The following CEP170B variants were observed in gnomAD, a reference collection of about 807,000 sequenced individuals.
CEP170B encodes centrosomal protein of 170 kDa protein B.
CEP170B carries 55 observed loss-of-function variants against 120.6 expected under a neutral mutation model. The ratio of observed to expected loss-of-function variants is 0.46; its 90% CI spans 0.37 to 0.57. The LOEUF is 0.57. Among genes scored for constraint, CEP170B ranks in the 20% least tolerant of loss-of-function variants. The probability of loss-of-function intolerance (pLI) is 0.00; values close to 1 mark genes in which losing one functional copy is unlikely to be tolerated. For missense variants in CEP170B, 2,212 were observed against 2,253.3 expected, an observed-to-expected ratio of 0.98 and a Z score of 0.37; for synonymous variants, 1,033 against 954.5, an observed-to-expected ratio of 1.08 and a Z score of -1.52.
intron 2 of CEP170B, among the ~76,000 whole-genome samples, chr14:104,875,055 C>T (rs1595318718): frequency 6.6e-6 from 1 of 152,366 alleles, no homozygotes; most frequent in East Asian, 1.9e-4. Flanking sequence ...GAAGGCCCCA[C>T]ACTGGTGTTT....
chr14:104,888,274 C>T (rs976119518), intron 12 of CEP170B, among the ~76,000 whole-genome samples: 1 of 152,244 alleles, frequency 6.6e-6, no homozygotes, highest in African/African-American at 2.4e-5. Context: ...CCCAGGCTGG[C>T]CCTCCCCACT....
intron 6 of CEP170B, among the ~76,000 whole-genome samples, chr14:104,882,408 T>G (rs1004086720): frequency 6.6e-6 from 1 of 151,662 alleles, no homozygotes; most frequent in Admixed American, 6.6e-5. Context: ...GCCCCCACCA[T>G]GCCCCAGGGG....
chr14:104,883,680 C>T, intron 8 of CEP170B, 151 bp from the exon 9 acceptor site: 12 of 1,050,144 alleles, frequency 1.1e-5, no homozygotes, highest in Non-Finnish European at 1.6e-5. Flanking sequence ...CCTGCGTCTT[C>T]CCGTTGCACT....
At chr14:104,892,115 G>A (rs915549209) in intron 13 of CEP170B, among the ~76,000 whole-genome samples, 21 of 152,138 alleles carry the variant, frequency 1.4e-4, no homozygotes, top group Non-Finnish European at 1.0e-4. Flanking sequence ...GTCCCCATGA[G>A]GATGGGTGGT....
In CEP170B at chr14:104,896,342, T is replaced by G. The variant is rs987554702; in HGVS notation, c.*1384T>G. 57 of 331,688 alleles carry G rather than the reference T, an allele frequency of 1.7e-4. No individual in the cohort carries two copies. The highest frequency in any genetic ancestry group is 3.2e-4 in the Non-Finnish European group (53 of 165,774). 20.5% of individuals were successfully genotyped at this position (331,688 alleles called of 1,614,324 possible). A position where few individuals can be genotyped will look rare whatever the true frequency, so the allele number is the denominator to read the frequency against. On this transcript the variant is annotated 3_prime_UTR_variant, in exon 19 of 19. Transcript: ENST00000414716. ...GTGTGTGTGTGAGGGGGGGCGGGGGTGGCAGGTGTCCCCCCCTGGTCCCCG... is the reference window on the plus strand; with the variant it reads ...GTGTGTGTGTGAGGGGGGGCGGGGGGGGCAGGTGTCCCCCCCTGGTCCCCG...
rs1280772133 is a variant in CEP170B, at chr14:104,865,923, C to A, written c.-28+410C>A. 6.6e-6 allele frequency among the ~76,000 whole-genome samples: 1 copy of A among 152,182 alleles called. No individual in the cohort carries two copies. Among genetic ancestry groups the A allele is most frequent in the Admixed American group, 6.5e-5 (1 of 15,286 alleles). On this transcript the variant is annotated intron_variant, in intron 1 of 18. Transcript: ENST00000414716. This position sits in a 1 kb window ranked among gnomAD's most constrained non-coding sequence, Gnocchi z 6.7. ...TCTTCCTCCTCCTCCCCTCTCTCCT[C>A]ATTTCCCTTCGCCGCCGTCTCCCCG...
chr14:104,886,674 C>T lies in CEP170B; in HGVS notation c.2435C>T (p.Pro812Leu), dbSNP rs139204103. 2,449 of 1,542,952 alleles carry T rather than the reference C, an allele frequency of 1.6e-3. 51 individuals carry two copies. In the South Asian group the frequency reaches 0.024, roughly 15 times the overall value. Residue 812 changes from proline to leucine, a missense_variant, in exon 12 of 19, where the codon CCG becomes CTG. Coordinates refer to ENST00000414716, the MANE Select transcript of CEP170B (RefSeq NM_001112726.3). Reference sequence around the variant, plus strand: ...GGGGACGCTGTGTTATCTAGGAAACCGCTTGCGGCTCCAGGGGATGGGGAG... The same window carrying T: ...GGGGACGCTGTGTTATCTAGGAAACTGCTTGCGGCTCCAGGGGATGGGGAG... ...QNGDAVLSRK[P>L]LAAPGDGEGL...
intron 6 of CEP170B, among the ~76,000 whole-genome samples, chr14:104,881,957 G>A (rs777227481): frequency 6.6e-6 from 1 of 152,132 alleles, no homozygotes; most frequent in African/African-American, 2.4e-5. Flanking sequence ...CCCCCCAGCA[G>A]TGTAAGCAGC....
At chr14:104,877,799 T>C (rs2140661887) in intron 3 of CEP170B, 86 bp from the exon 4 acceptor site, 3 of 610,056 alleles carry the variant, frequency 4.9e-6, no homozygotes, top group East Asian at 3.9e-5. Flanking sequence ...GCCACCCACC[T>C]GCTCAGCCCC....
Position 104,887,790 on chromosome 14 carries a change from G to C in CEP170B, c.3551G>C (p.Ser1184Thr). The C allele has an allele frequency of 6.3e-7, 1 of 1,586,354 alleles. No individual in the cohort carries two copies. Among genetic ancestry groups the C allele is most frequent in the Non-Finnish European group, 8.6e-7 (1 of 1,168,462 alleles). ...RKRAGSFTGT[S>T]DPEAAPARTS... ...CGGGCCGGCTCCTTCACAGGGACTAGTGACCCCGAGGCAGCCCCTGCCCGC... is the reference window on the plus strand; with the variant it reads ...CGGGCCGGCTCCTTCACAGGGACTACTGACCCCGAGGCAGCCCCTGCCCGC... The change falls in exon 12 of 19, where the codon AGT becomes ACT. Residue 1184 changes from serine (S) to threonine (T), a missense_variant. Ser to Thr is a moderately conservative substitution (Grantham distance 58). Transcript: ENST00000414716.
At chr14:104,889,808 G>A (rs779082393) in intron 13 of CEP170B, 50 bp downstream of exon 13, 2 of 1,560,068 alleles carry the variant, frequency 1.3e-6, no homozygotes, top group Non-Finnish European at 1.7e-6. Context: ...GCGTTTTCTT[G>A]AGTGAGAGCA....
rs1156739179 is a variant in CEP170B at position 104,870,650 on chromosome 14, G to A, written c.105+2095G>A. 1.3e-5 allele frequency among the ~76,000 whole-genome samples: 2 copies of A among 152,174 alleles called. No individual in the cohort carries two copies. Among genetic ancestry groups the A allele is most frequent in the East Asian group, 3.8e-4 (2 of 5,198 alleles). ...CTCCCTGGGGTAGGGGAAAAGTGCTGGGGGCAGGGTGCTCAGGGTGAGTTT... is the reference window on the plus strand; with the variant it reads ...CTCCCTGGGGTAGGGGAAAAGTGCTAGGGGCAGGGTGCTCAGGGTGAGTTT... On this transcript the variant is annotated intron_variant, in intron 2 of 18. Transcript: ENST00000414716. This position sits in a 1 kb window ranked among gnomAD's most constrained non-coding sequence, Gnocchi z 4.1.
Position 104,894,892 on chromosome 14 carries a change from C to G in CEP170B, c.4599C>G (p.Ala1533=). 6.2e-7 allele frequency: 1 copy of G among 1,602,078 alleles called. No homozygotes were observed. The highest frequency in any genetic ancestry group is 8.5e-7 in the Non-Finnish European group (1 of 1,175,076). The change falls in exon 19 of 19, where the codon GCC becomes GCG. Residue 1533 remains alanine (A), a synonymous_variant. Coordinates refer to ENST00000414716, the MANE Select transcript of CEP170B (RefSeq NM_001112726.3). ...CCCTGAGGAATTTCCCACAGCGGGC[C>G]AGCTGTGGGCCTCCCAGCCTCCCGG... ...ALPLRNFPQR[A]SCGPPSLPDP...
At chr14:104,890,849 A>G (rs879241589) in intron 13 of CEP170B, among the ~76,000 whole-genome samples, 2 of 79,482 alleles carry the variant, frequency 2.5e-5, no homozygotes, top group Non-Finnish European at 2.6e-5. Context: ...GAATGGATGA[A>G]TGAGTGGGTG....
chr14:104,877,320 G>A (rs1895906291), intron 3 of CEP170B, among the ~76,000 whole-genome samples: 2 of 152,184 alleles, frequency 1.3e-5, no homozygotes, highest in Non-Finnish European at 2.9e-5. Flanking sequence ...GCATGGCACC[G>A]TCCCAGTCCG....
At chr14:104,892,833 G>A in intron 13 of CEP170B, 143 bp from the exon 14 acceptor site, 3 of 905,734 alleles carry the variant, frequency 3.3e-6, no homozygotes, top group Admixed American at 2.6e-5. Flanking sequence ...CCGGTGTTTG[G>A]GGCCAGGCTG....
intron 6 of CEP170B, among the ~76,000 whole-genome samples, chr14:104,881,971 G>A (rs905940884): frequency 6.6e-6 from 1 of 152,122 alleles, no homozygotes; most frequent in African/African-American, 2.4e-5. Context: ...AAGCAGCTGG[G>A]GGCCATGACG....
chr14:104,864,610 G>C (rs895683092), upstream of CEP170B, among the ~76,000 whole-genome samples: 6 of 149,338 alleles, frequency 4.0e-5, no homozygotes, highest in South Asian at 2.2e-4. The surrounding 1 kb of genome is among the most constrained non-coding windows in gnomAD (Gnocchi z 5.9). Context: ...CCCTCGGCCA[G>C]GTCAGGTCCA....
rs531856548 is a variant in CEP170B, at chr14:104,870,176, C to T, written c.105+1621C>T. Among the ~76,000 whole-genome samples the T allele has an allele frequency of 6.6e-6, 1 of 152,132 alleles. No homozygotes were observed. Among genetic ancestry groups the T allele is most frequent in the South Asian group, 2.1e-4 (1 of 4,830 alleles). ...ATCCACTGCAGCCCAGGCCTGTGGCCGTGGTGAGGGGCAGCCAGGGAGCGA... is the reference window on the plus strand; with the variant it reads ...ATCCACTGCAGCCCAGGCCTGTGGCTGTGGTGAGGGGCAGCCAGGGAGCGA... On this transcript the variant is annotated intron_variant, in intron 2 of 18. Coordinates refer to ENST00000414716, the MANE Select transcript of CEP170B (RefSeq NM_001112726.3). This position sits in a 1 kb window ranked among gnomAD's most constrained non-coding sequence, Gnocchi z 4.1.
Sources: allele counts gnomAD v4.1 joint callset (sites outside exome capture counted in the v4.1 genomes callset), GRCh38; gene constraint gnomAD v4.1.1; non-coding constraint Gnocchi (gnomAD v3.1); transcripts MANE v1.5; gene names NCBI Gene and HGNC (gene_info 2026-07-23, HGNC 2026-07-21).